GAREM1: variants seen among roughly 807,000 people sequenced by gnomAD.
The protein encoded by GAREM1 is GRB2-associated and regulator of MAPK protein 1.
GAREM1 carries 26 observed loss-of-function variants against 71.3 expected under a neutral mutation model. That is an observed-to-expected ratio of 0.36 (90% CI 0.27 to 0.51). The LOEUF (loss-of-function observed/expected upper bound fraction) is 0.51, where lower values mean the gene tolerates loss of function less well. Ranked by LOEUF, GAREM1 falls within the 20% of genes least tolerant of loss-of-function variation. The pLI is 0.95. For synonymous variants in GAREM1, 440 were observed against 433.2 expected, an observed-to-expected ratio of 1.02 and a Z score of -0.20; for missense variants, 1,026 against 1,103.1, an observed-to-expected ratio of 0.93 and a Z score of 0.99.
intron 1 of GAREM1, among the ~76,000 whole-genome samples, chr18:32,432,501 G>C (rs976599201): frequency 6.6e-6 from 1 of 152,046 alleles, no homozygotes; most frequent in Non-Finnish European, 1.5e-5. Context: ...AAATCAATAA[G>C]TCTAAAGATC....
intron 1 of GAREM1, among the ~76,000 whole-genome samples, chr18:32,469,208 G>C (rs935211498): frequency 3.2e-4 from 49 of 152,118 alleles, no homozygotes. Flanking sequence ...CTTTGTGTAT[G>C]TATACATCTC....
At chr18:32,319,769 C>A (rs971507843) in intron 2 of GAREM1, among the ~76,000 whole-genome samples, 1 of 152,216 alleles carries the variant, frequency 6.6e-6, no homozygotes, top group African/African-American at 2.4e-5. Flanking sequence ...AGTATACACA[C>A]ATAATGCTAC....
chr18:32,431,099 C>G (rs2048620319), intron 1 of GAREM1, among the ~76,000 whole-genome samples: 1 of 152,190 alleles, frequency 6.6e-6, no homozygotes, highest in African/African-American at 2.4e-5. Flanking sequence ...GTACAGACCA[C>G]TACCCAAGAC....
chr18:32,273,701 T>A (rs2041497554), intron 4 of GAREM1, among the ~76,000 whole-genome samples: 1 of 151,112 alleles, frequency 6.6e-6, no homozygotes, highest in Non-Finnish European at 1.5e-5. Flanking sequence ...GTTAAAGAAC[T>A]AATGTGTGTG....
At chr18:32,378,064 G>GC (rs1567986710) in intron 2 of GAREM1, among the ~76,000 whole-genome samples, 1,260 of 123,712 alleles carry the variant, frequency 0.01, 13 homozygotes, top group African/African-American at 0.027. Flanking sequence ...GTGTGCGCGC[G>GC]GGCGCTTTGG....
intron 2 of GAREM1, among the ~76,000 whole-genome samples, chr18:32,366,456 G>A (rs905709430): frequency 1.3e-5 from 2 of 152,120 alleles, no homozygotes; most frequent in Non-Finnish European, 2.9e-5. Flanking sequence ...GCTACCCCAG[G>A]AGAAAGCAAG....
At chr18:32,376,799 T>C (rs1456214849) in intron 2 of GAREM1, among the ~76,000 whole-genome samples, 6 of 152,078 alleles carry the variant, frequency 3.9e-5, no homozygotes, top group African/African-American at 7.2e-5. Context: ...GATTGCACCA[T>C]TGCACTCCAG....
chr18:32,426,513 A>G (rs2048577125), intron 1 of GAREM1, among the ~76,000 whole-genome samples: 1 of 152,232 alleles, frequency 6.6e-6, no homozygotes, highest in Non-Finnish European at 1.5e-5. Flanking sequence ...TCACTCTATT[A>G]TATACAGGTC....
intron 1 of GAREM1, among the ~76,000 whole-genome samples, chr18:32,415,812 C>G (rs997176795): frequency 1.3e-5 from 2 of 152,168 alleles, no homozygotes; most frequent in South Asian, 4.1e-4. Flanking sequence ...AAATCTGGAA[C>G]ACAACAAGTA....
chr18:32,315,954 G>A (rs1352386646), intron 2 of GAREM1, among the ~76,000 whole-genome samples: 2 of 152,048 alleles, frequency 1.3e-5, no homozygotes, highest in Non-Finnish European at 2.9e-5. Flanking sequence ...TTGGGTTCTT[G>A]TTTTTTAATT....
chr18:32,389,915 G>A (rs1038991517), intron 2 of GAREM1, among the ~76,000 whole-genome samples: 1 of 152,128 alleles, frequency 6.6e-6, no homozygotes, highest in African/African-American at 2.4e-5. Context: ...GCTCATACCT[G>A]TAATTCCAAC....
intron 1 of GAREM1, among the ~76,000 whole-genome samples, chr18:32,394,242 A>C (rs1017594922): frequency 1.3e-5 from 2 of 152,118 alleles, no homozygotes; most frequent in African/African-American, 4.8e-5. Context: ...TCTACAAAAA[A>C]AATACAAAAA....
At chr18:32,398,554 C>T (rs1006777845) in intron 1 of GAREM1, among the ~76,000 whole-genome samples, 1 of 152,170 alleles carries the variant, frequency 6.6e-6, no homozygotes, top group Non-Finnish European at 1.5e-5. Context: ...TGCAAATAAA[C>T]TAGAAAATCT....
At chr18:32,420,944 C>T (rs570402796) in intron 1 of GAREM1, among the ~76,000 whole-genome samples, 7 of 152,178 alleles carry the variant, frequency 4.6e-5, no homozygotes, top group South Asian at 4.2e-4. Flanking sequence ...TCAGTATCTG[C>T]GCTGCATCTA....
At chr18:32,400,413 C>A (rs913433703) in intron 1 of GAREM1, among the ~76,000 whole-genome samples, 2 of 152,260 alleles carry the variant, frequency 1.3e-5, no homozygotes, top group Admixed American at 6.5e-5. Context: ...AAAATTCTTA[C>A]AATCTACTCA....
chr18:32,433,456 A>G (rs1374307663), intron 1 of GAREM1, among the ~76,000 whole-genome samples: 1 of 151,832 alleles, frequency 6.6e-6, no homozygotes, highest in African/African-American at 2.4e-5. Flanking sequence ...ACAAAAAAAA[A>G]AAGAAATTAA....
chr18:32,470,854 A>C lies in GAREM1; in HGVS notation c.-426T>G, dbSNP rs547546359. Among the ~76,000 whole-genome samples the C allele has an allele frequency of 6.7e-6, 1 of 150,300 alleles. No individual in the cohort carries two copies. The highest frequency in any genetic ancestry group is 1.5e-5 in the Non-Finnish European group (1 of 67,416). On this transcript the variant is annotated 5_prime_UTR_variant, in exon 1 of 6. Transcript: ENST00000269209. The surrounding 1 kb of genome is among the most constrained non-coding windows in gnomAD (Gnocchi z 4.4). The stretch of plus-strand genomic sequence containing the variant: ...TGAGGAGGAGCCGCGGGTCTGAGAA[A>C]CGCCATAGCAGCGCTCCCAGCACTG...
At chr18:32,409,424 T>C (rs1351987329) in intron 1 of GAREM1, among the ~76,000 whole-genome samples, 1 of 152,146 alleles carries the variant, frequency 6.6e-6, no homozygotes, top group Admixed American at 6.5e-5. Context: ...GCAAGTGAAA[T>C]AATTTTGTTT....
At chr18:32,329,313 C>T (rs1021458574) in intron 2 of GAREM1, among the ~76,000 whole-genome samples, 7 of 151,868 alleles carry the variant, frequency 4.6e-5, no homozygotes, top group Non-Finnish European at 8.8e-5. Flanking sequence ...GAGTTTGAGG[C>T]TGCAGTGAGC....
Sources: gnomAD v4.1 joint callset for allele counts (sites outside exome capture counted in the v4.1 genomes callset) on GRCh38, gnomAD v4.1.1 for gene constraint, Gnocchi (gnomAD v3.1) non-coding constraint, MANE v1.5 for transcripts, NCBI Gene and HGNC (gene_info 2026-07-23, HGNC 2026-07-21) for gene names.